CCDC148: variants seen among roughly 807,000 people sequenced by gnomAD.
CCDC148 encodes the protein coiled-coil domain-containing protein 148.
Under a neutral mutation model 85.7 loss-of-function variants are expected in CCDC148, and 89 were observed. That is an observed-to-expected ratio of 1.04 (90% CI 0.87 to 1.24). CCDC148 has a LOEUF of 1.24. Among genes scored for constraint, CCDC148 ranks in the 50% most tolerant of loss-of-function variants. The probability of loss-of-function intolerance (pLI) is 0.00; values close to 1 mark genes in which losing one functional copy is unlikely to be tolerated. For missense variants in CCDC148, 692 were observed against 671.7 expected (o/e 1.03, Z -0.33); for synonymous variants, 230 against 213.9 (o/e 1.08, Z -0.66).
intron 1 of CCDC148, among the ~76,000 whole-genome samples, chr2:158,400,956 A>C (rs1315326809): frequency 6.6e-6 from 1 of 152,256 alleles, no homozygotes; most frequent in African/African-American, 2.4e-5. Context: ...AAATATGCTC[A>C]TCATCCCTGG....
chr2:158,307,158 G>T (rs1007582025), intron 9 of CCDC148, among the ~76,000 whole-genome samples: 1 of 151,966 alleles, frequency 6.6e-6, no homozygotes, highest in Non-Finnish European at 1.5e-5. Context: ...ACAAGTCATT[G>T]ATTGGGAGAA....
intron 11 of CCDC148, among the ~76,000 whole-genome samples, chr2:158,184,049 C>T (rs903589595): frequency 6.6e-6 from 1 of 152,110 alleles, no homozygotes; most frequent in Non-Finnish European, 1.5e-5. Context: ...AAGACATTCA[C>T]ATTGAAAGGC....
At chr2:158,365,554 G>A (rs1374302661) in intron 1 of CCDC148, among the ~76,000 whole-genome samples, 1 of 152,032 alleles carries the variant, frequency 6.6e-6, no homozygotes, top group Non-Finnish European at 1.5e-5. Context: ...ACTAACACAA[G>A]AACAGCAAAC....
intron 11 of CCDC148, among the ~76,000 whole-genome samples, chr2:158,201,931 T>C (rs1416842537): frequency 6.6e-6 from 1 of 152,178 alleles, no homozygotes; most frequent in Non-Finnish European, 1.5e-5. Flanking sequence ...TTCATGTCAA[T>C]GTAGTGATAA....
chr2:158,419,796 TC>T (rs1414217483), intron 1 of CCDC148, among the ~76,000 whole-genome samples: 1 of 152,190 alleles, frequency 6.6e-6, no homozygotes, highest in East Asian at 1.9e-4. Context: ...AACCATCCCC[TC>T]CTTTGTGAAA....
chr2:158,275,881 T>C (rs1689918059), intron 9 of CCDC148, among the ~76,000 whole-genome samples: 1 of 152,196 alleles, frequency 6.6e-6, no homozygotes, highest in Non-Finnish European at 1.5e-5. Context: ...TCATCAGTAC[T>C]TCTCTGTACC....
chr2:158,271,576 A>G (rs1187654730), intron 9 of CCDC148, among the ~76,000 whole-genome samples: 1 of 152,178 alleles, frequency 6.6e-6, no homozygotes, highest in African/African-American at 2.4e-5. Context: ...ACAGTACAGT[A>G]AAGTATTTTG....
chr2:158,378,224 T>C (rs1280242576), intron 1 of CCDC148, among the ~76,000 whole-genome samples: 1 of 152,094 alleles, frequency 6.6e-6, no homozygotes, highest in East Asian at 1.9e-4. Flanking sequence ...ATGGAGTAAG[T>C]TTGAGTGGTC....
chr2:158,403,028 G>T (rs1685850404), intron 1 of CCDC148, among the ~76,000 whole-genome samples: 1 of 151,970 alleles, frequency 6.6e-6, no homozygotes, highest in Non-Finnish European at 1.5e-5. Context: ...GCTACGAAAA[G>T]AAACAAAAAG....
Position 158,390,525 on chromosome 2 carries a change from T to C in CCDC148, c.26-31955A>G, listed in dbSNP as rs558301639. 3.3e-5 allele frequency among the ~76,000 whole-genome samples: 5 copies of C among 152,282 alleles called. No homozygotes were observed. The South Asian group carries it at 1.0e-3, about 32-fold the overall frequency. On this transcript the variant is annotated intron_variant, in intron 1 of 13. Transcript: ENST00000283233. ...AACTCGTTTTAAATAGCCAAACTCTTATAAACAAAATTCCTTCTCCAAAAT... is the reference window on the plus strand; with the variant it reads ...AACTCGTTTTAAATAGCCAAACTCTCATAAACAAAATTCCTTCTCCAAAAT...
intron 11 of CCDC148, among the ~76,000 whole-genome samples, chr2:158,205,891 G>A (rs1686217677): frequency 6.6e-6 from 1 of 152,120 alleles, no homozygotes; most frequent in Admixed American, 6.5e-5. Context: ...ATGTCTTATA[G>A]AGCATGTCAA....
rs1692319391 is a variant in CCDC148 at position 158,317,184 on chromosome 2, C to G, written c.765-3290G>C. On this transcript the variant is annotated intron_variant, in intron 7 of 13. Coordinates refer to ENST00000283233, the MANE Select transcript of CCDC148 (RefSeq NM_138803.4). ...TTTTAAAGAAAACTTTTAAAGTGTC[C>G]TAAGCTTTTTGCAATTTACAAAAAA... is the stretch of plus-strand genomic sequence containing the variant. 3.3e-5 allele frequency among the ~76,000 whole-genome samples: 5 copies of G among 152,124 alleles called. No individual in the cohort carries two copies. In the South Asian group the frequency reaches 1.0e-3, roughly 32 times the overall value.
At chr2:158,335,592 G>A (rs909530825) in intron 7 of CCDC148, among the ~76,000 whole-genome samples, 2 of 152,084 alleles carry the variant, frequency 1.3e-5, no homozygotes, top group African/African-American at 4.8e-5. Context: ...AGCTTGTGGT[G>A]GGGAACTCTC....
rs547993329 is a variant in CCDC148 at position 158,349,908 on chromosome 2, C to G, written c.148-4590G>C. On this transcript the variant is annotated intron_variant, in intron 2 of 13. Transcript: ENST00000283233. ...CCTCATCATCATGAATCTACGGAGA[C>G]TAAAAATGGAAGCAAAAGCTTGTCA... 6.6e-5 allele frequency among the ~76,000 whole-genome samples: 10 copies of G among 152,178 alleles called. No individual in the cohort carries two copies. In the South Asian group the frequency reaches 1.9e-3, roughly 28 times the overall value.
chr2:158,243,240 C>T (rs1688426524), intron 10 of CCDC148, among the ~76,000 whole-genome samples: 1 of 152,080 alleles, frequency 6.6e-6, no homozygotes, highest in African/African-American at 2.4e-5. Context: ...AATACCTGGG[C>T]TATTAAATTC....
intron 1 of CCDC148, among the ~76,000 whole-genome samples, chr2:158,363,522 A>G (rs1468723734): frequency 1.3e-5 from 2 of 152,218 alleles, no homozygotes; most frequent in Admixed American, 6.5e-5. Context: ...ACACTAATCA[A>G]TAAACGTAAT....
chr2:158,204,171 C>T (rs962647960), intron 11 of CCDC148, among the ~76,000 whole-genome samples: 7 of 152,056 alleles, frequency 4.6e-5, no homozygotes, highest in Non-Finnish European at 7.4e-5. Flanking sequence ...ATTCCACTTC[C>T]GTAGAATTTA....
At chr2:158,221,023 T>C (rs57787499) in intron 10 of CCDC148, among the ~76,000 whole-genome samples, 4,138 of 152,294 alleles carry the variant, frequency 0.027, 174 homozygotes, top group African/African-American at 0.089. Context: ...TAAAAGTGTG[T>C]TATTGTCTCT....
At chr2:158,310,036 A>G (rs1691901235) in intron 8 of CCDC148, among the ~76,000 whole-genome samples, 1 of 152,206 alleles carries the variant, frequency 6.6e-6, no homozygotes, top group South Asian at 2.1e-4. Context: ...CATGTGAACA[A>G]AGGTCTCTGG....
Sources: allele counts gnomAD v4.1 joint callset (sites outside exome capture counted in the v4.1 genomes callset), GRCh38; gene constraint gnomAD v4.1.1; transcripts MANE v1.5; gene names NCBI Gene and HGNC (gene_info 2026-07-23, HGNC 2026-07-21).